The following EYA1 variants were observed in gnomAD, a reference collection of about 807,000 sequenced individuals.
The protein encoded by EYA1 is protein phosphatase EYA1.
Under a neutral mutation model 82.0 loss-of-function variants are expected in EYA1, and 16 were observed. The ratio of observed to expected loss-of-function variants is 0.20; its 90% CI spans 0.13 to 0.30. The LOEUF (loss-of-function observed/expected upper bound fraction) is 0.30. Among genes scored for constraint, EYA1 ranks in the 10% least tolerant of loss-of-function variants. The probability of loss-of-function intolerance (pLI) is 1.00; values close to 1 mark genes in which losing one functional copy is unlikely to be tolerated. For synonymous variants in EYA1, 261 were observed against 264.4 expected (o/e 0.99, Z 0.12); for missense variants, 633 against 730.7 (o/e 0.87, Z 1.54).
At chr8:71,317,426 G>A in intron 7 of EYA1, 126 bp downstream of exon 7, 1 of 945,908 alleles carries the variant, frequency 1.1e-6, no homozygotes, top group South Asian at 1.4e-5. Context: ...AGAAGCAGGT[G>A]TCCTGCCTCT....
chr8:71,363,534 A>C (rs1486670329), upstream of EYA1, among the ~76,000 whole-genome samples: 2 of 152,192 alleles, frequency 1.3e-5, no homozygotes, highest in Non-Finnish European at 2.9e-5. Context: ...CCAGGTCAAA[A>C]CACAGTTGAT....
intron 9 of EYA1, among the ~76,000 whole-genome samples, chr8:71,281,912 G>C (rs570915233): frequency 6.6e-5 from 10 of 152,198 alleles, no homozygotes; most frequent in Non-Finnish European, 7.3e-5. Flanking sequence ...TCAGCACCAG[G>C]GATGTGACTG....
chr8:71,340,074 T>C (rs1824947457), intron 3 of EYA1, among the ~76,000 whole-genome samples: 1 of 152,224 alleles, frequency 6.6e-6, no homozygotes, highest in South Asian at 2.1e-4. Flanking sequence ...AATTGGACTT[T>C]CAGCCTCTAC....
intron 11 of EYA1, 87 bp downstream of exon 11, chr8:71,269,647 TGTTAAA>T (rs1816275249): frequency 2.7e-5 from 24 of 883,768 alleles, no homozygotes; most frequent in South Asian, 2.6e-4. Context: ...ATTTTAAATT[TGTTAAA>T]GTTAAATTAC....
rs558296770 is a variant in EYA1 at position 71,361,667 on chromosome 8, C to T, written c.-75G>A. 3.5e-5 allele frequency: 34 copies of T among 985,468 alleles called. No individual in the cohort carries two copies. The South Asian group carries it at 1.4e-3, about 41-fold the overall frequency. 61.0% of individuals were successfully genotyped at this position (985,468 alleles called of 1,614,324 possible). Reference sequence around the variant, plus strand: ...CTTACAGCGCTTACATCTGCTGCATCCACCAGTTTAATGTGTTCCTTCGAA... The same window carrying T: ...CTTACAGCGCTTACATCTGCTGCATTCACCAGTTTAATGTGTTCCTTCGAA... On this transcript the variant is annotated 5_prime_UTR_variant, in exon 1 of 18. Transcript: ENST00000340726.
intron 2 of EYA1, among the ~76,000 whole-genome samples, chr8:71,522,157 T>C (rs1813449325): frequency 2.0e-5 from 3 of 152,210 alleles, no homozygotes; most frequent in Admixed American, 1.3e-4. Flanking sequence ...TAAAATTATA[T>C]GCTAAACCCA....
intron 2 of EYA1, among the ~76,000 whole-genome samples, chr8:71,511,620 A>G (rs1812601339): frequency 6.6e-6 from 1 of 152,162 alleles, no homozygotes; most frequent in Non-Finnish European, 1.5e-5. Context: ...CACAAAGATA[A>G]CATGGTTAGA....
At chr8:71,414,061 A>G (rs1830737448) in intron 2 of EYA1, among the ~76,000 whole-genome samples, 1 of 152,218 alleles carries the variant, frequency 6.6e-6, no homozygotes, top group Non-Finnish European at 1.5e-5. Flanking sequence ...ATGGCAAGGC[A>G]ACCTCCAGGA....
chr8:71,199,312 C>G lies in EYA1; in HGVS notation c.*28G>C. The G allele has an allele frequency of 6.6e-7, 1 of 1,523,402 alleles. No homozygotes were observed. Among genetic ancestry groups the G allele is most frequent in the Non-Finnish European group, 9.1e-7 (1 of 1,103,830 alleles). The allele number at this position is 1,523,402 out of a possible 1,614,324, so 94.4% of individuals were successfully genotyped here. A position where few individuals can be genotyped will look rare whatever the true frequency, so the allele number is the denominator to read the frequency against. ...GGATCTGTCCCTGGTCACAGAGCAG[C>G]TGTGCGCTGTCAAAGTGCCGAGCGC... On this transcript the variant is annotated 3_prime_UTR_variant, in exon 18 of 18. Coordinates refer to ENST00000340726, the MANE Select transcript of EYA1 (RefSeq NM_000503.6).
In EYA1 at chr8:71,440,659, G is replaced by A. The variant is rs539779238; in HGVS notation, c.34-84148C>T. On this transcript the variant is annotated intron_variant, in intron 2 of 18. Coordinates refer to the EYA1 transcript ENST00000643681. ...CCAGTGGGTATAAGGTGTCCAGTGGGCATCTGGATATGAACTTGGAGCCCA... is the reference window on the plus strand; with the variant it reads ...CCAGTGGGTATAAGGTGTCCAGTGGACATCTGGATATGAACTTGGAGCCCA... 1.2e-3 allele frequency among the ~76,000 whole-genome samples: 188 copies of A among 152,258 alleles called. 1 individual carries two copies. The highest frequency in any genetic ancestry group is 4.2e-3 in the African/African-American group (176 of 41,548).
intron 2 of EYA1, among the ~76,000 whole-genome samples, chr8:71,401,194 T>C (rs1272722160): frequency 6.6e-6 from 1 of 152,122 alleles, no homozygotes; most frequent in Non-Finnish European, 1.5e-5. Flanking sequence ...GCTTCATACC[T>C]AGGTGACAGA....
intron 2 of EYA1, among the ~76,000 whole-genome samples, chr8:71,391,838 T>C (rs576556219): frequency 1.8e-4 from 27 of 152,316 alleles, no homozygotes; most frequent in Non-Finnish European, 2.8e-4. Context: ...TCCTTGTATG[T>C]AGAGCTCAGT....
At position 71,240,655 on chromosome 8, in the gene EYA1, T is replaced by G. The variant is rs557213983; in HGVS notation, c.1140+3948A>C. ...TCAACATGGGTTAGGATGGCAACCA[T>G]AATGCCAGTGAAATCATATTCCTTA... On this transcript the variant is annotated intron_variant, in intron 12 of 17. Transcript: ENST00000340726. Among the ~76,000 whole-genome samples, 6 of 152,270 alleles carry G rather than the reference T, an allele frequency of 3.9e-5. No homozygotes were observed. The South Asian group carries it at 1.2e-3, about 32-fold the overall frequency.
At chr8:71,244,801 CAG>C (rs962081292) in intron 11 of EYA1, 109 bp from the exon 12 acceptor site, 8 of 684,232 alleles carry the variant, frequency 1.2e-5, no homozygotes, top group Admixed American at 2.4e-5. Flanking sequence ...GCAAGAGACA[CAG>C]AGAGAGACTT....
In EYA1 at chr8:71,438,681, G is replaced by A. The variant is rs73687722; in HGVS notation, c.34-82170C>T. Among the ~76,000 whole-genome samples, 451 of 152,196 alleles carry A rather than the reference G, an allele frequency of 3.0e-3. 2 individuals are homozygous for A. Among genetic ancestry groups the A allele is most frequent in the African/African-American group, 0.01 (424 of 41,520 alleles). On this transcript the variant is annotated intron_variant, in intron 2 of 18. Transcript: ENST00000643681. ...TGAGCAGATGGAGAGAAAGGAAGGA[G>A]CGTCCAAGTGGAGGGCCCCGGAGAA...
chr8:71,264,775 C>A (rs1479894593), intron 11 of EYA1, among the ~76,000 whole-genome samples: 2 of 151,786 alleles, frequency 1.3e-5, no homozygotes, highest in East Asian at 3.9e-4. Flanking sequence ...TAGCGATGGA[C>A]TCTTGCCATG....
At chr8:71,249,969 A>T (rs570088027) in intron 11 of EYA1, among the ~76,000 whole-genome samples, 1 of 151,526 alleles carries the variant, frequency 6.6e-6, no homozygotes, top group Non-Finnish European at 1.5e-5. Context: ...ATCAATTTCA[A>T]CACTCTGTCA....
chr8:71,426,478 C>T (rs1805235998), intron 2 of EYA1, among the ~76,000 whole-genome samples: 2 of 152,212 alleles, frequency 1.3e-5, no homozygotes, highest in Admixed American at 6.5e-5. Flanking sequence ...GTGCAGTATG[C>T]AGGTAACTAC....
At chr8:71,237,049 ATTTCT>A (rs747448720) in intron 12 of EYA1, among the ~76,000 whole-genome samples, 16 of 148,520 alleles carry the variant, frequency 1.1e-4, no homozygotes, top group African/African-American at 3.0e-4. Context: ...TTGACTTGAC[ATTTCT>A]TTTCTTTTTT....
Sources: allele counts gnomAD v4.1 joint callset (sites outside exome capture counted in the v4.1 genomes callset), GRCh38; gene constraint gnomAD v4.1.1; transcripts MANE v1.5; gene names NCBI Gene and HGNC (gene_info 2026-07-23, HGNC 2026-07-21).